CLIP4: variants seen among roughly 807,000 people sequenced by gnomAD.
The protein encoded by CLIP4 is CAP-Gly domain containing linker protein family member 4.
CLIP4 carries 47 observed loss-of-function variants against 73.1 expected under a neutral mutation model. That is an observed-to-expected ratio of 0.64 (90% CI 0.51 to 0.82). The LOEUF is 0.82. CLIP4 is among the 40% of genes least tolerant of loss of function. CLIP4 has a pLI of 0.00. For synonymous variants in CLIP4, 306 were observed against 295.4 expected, an observed-to-expected ratio of 1.04 and a Z score of -0.37; for missense variants, 874 against 852.9, an observed-to-expected ratio of 1.02 and a Z score of -0.31.
chr2:29,166,127 AAC>A (rs1667599506), intron 13 of CLIP4, among the ~76,000 whole-genome samples: 1 of 152,122 alleles, frequency 6.6e-6, no homozygotes, highest in South Asian at 2.1e-4. Context: ...AAGCGAATAA[AAC>A]AGACATGGTC....
chr2:29,149,811 T>C (rs1666427946), intron 8 of CLIP4, among the ~76,000 whole-genome samples: 2 of 152,094 alleles, frequency 1.3e-5, no homozygotes, highest in Admixed American at 1.3e-4. Flanking sequence ...TAGAATTAAA[T>C]ATTTAATTTA....
chr2:29,148,176 C>T (rs1000987823), intron 8 of CLIP4, among the ~76,000 whole-genome samples: 2 of 152,176 alleles, frequency 1.3e-5, no homozygotes, highest in Non-Finnish European at 2.9e-5. Context: ...TAGCCCTTGA[C>T]AGCCCTGGGA....
chr2:29,120,117 G>T (rs1664155088), intron 1 of CLIP4, among the ~76,000 whole-genome samples: 1 of 152,102 alleles, frequency 6.6e-6, no homozygotes, highest in Non-Finnish European at 1.5e-5. Context: ...TATTTATGTG[G>T]CAAGGTTAAT....
At chr2:29,142,592 T>C (rs1572939103) in intron 6 of CLIP4, among the ~76,000 whole-genome samples, 1 of 152,314 alleles carries the variant, frequency 6.6e-6, no homozygotes, top group East Asian at 1.9e-4. Context: ...ATCCTAGACA[T>C]CTAATAACAT....
intron 11 of CLIP4, among the ~76,000 whole-genome samples, chr2:29,159,356 G>T (rs1169863699): frequency 1.3e-5 from 2 of 152,018 alleles, no homozygotes; most frequent in Admixed American, 6.5e-5. Context: ...ATGGGACAAG[G>T]CTCAAGCACC....
chr2:29,179,902 CACTT>C (rs1668550369), intron 15 of CLIP4, among the ~76,000 whole-genome samples: 1 of 152,148 alleles, frequency 6.6e-6, no homozygotes, highest in Admixed American at 6.5e-5. Context: ...AGAATTCTAT[CACTT>C]ACTGGCAGAT....
intron 8 of CLIP4, among the ~76,000 whole-genome samples, chr2:29,146,362 A>T (rs1482828767): frequency 1.3e-5 from 2 of 152,156 alleles, no homozygotes; most frequent in Non-Finnish European, 2.9e-5. Context: ...AACTGGAAAA[A>T]TCAAGCAAGG....
rs1395949511 is a variant in CLIP4 at position 29,136,850 on chromosome 2, A to G, written c.648+1184A>G. 2.6e-5 allele frequency among the ~76,000 whole-genome samples: 4 copies of G among 151,898 alleles called. No homozygotes were observed. In the East Asian group the frequency reaches 5.8e-4, roughly 22 times the overall value. On this transcript the variant is annotated intron_variant, in intron 6 of 15. Transcript: ENST00000320081. ...TGACAAAGCCCCATTAGTGGGGACAATGTTCTGAATTTGTTAGGATGCCAT... is the reference window on the plus strand; with the variant it reads ...TGACAAAGCCCCATTAGTGGGGACAGTGTTCTGAATTTGTTAGGATGCCAT...
chr2:29,124,984 G>T (rs1390855088), intron 2 of CLIP4, among the ~76,000 whole-genome samples: 1 of 152,132 alleles, frequency 6.6e-6, no homozygotes, highest in Non-Finnish European at 1.5e-5. Context: ...ATTTTACCTT[G>T]TTAGATGCTG....
intron 1 of CLIP4, among the ~76,000 whole-genome samples, chr2:29,105,806 G>A (rs1668186828): frequency 6.6e-6 from 1 of 152,210 alleles, no homozygotes; most frequent in African/African-American, 2.4e-5. Context: ...AAAAATGGCT[G>A]TCTGTGAACC....
chr2:29,124,676 A>G, intron 2 of CLIP4, among the ~76,000 whole-genome samples: 1 of 152,000 alleles, frequency 6.6e-6, no homozygotes, highest in Admixed American at 6.6e-5. Context: ...TGCATCTTCA[A>G]GTTCATTAAT....
chr2:29,110,230 A>G (rs1235436673), intron 1 of CLIP4, among the ~76,000 whole-genome samples: 2 of 152,180 alleles, frequency 1.3e-5, no homozygotes, highest in Non-Finnish European at 2.9e-5. Context: ...GTGCGGCTCA[A>G]TGGAGTCCTC....
intron 3 of CLIP4, chr2:29,131,915 G>C (rs1300864200): frequency 2.2e-6 from 1 of 457,624 alleles, no homozygotes; most frequent in Non-Finnish European, 3.8e-6. Flanking sequence ...TGGAGTGCCA[G>C]ATTACCTTTG....
At chr2:29,106,947 G>A (rs1668224807) in intron 1 of CLIP4, among the ~76,000 whole-genome samples, 1 of 152,236 alleles carries the variant, frequency 6.6e-6, no homozygotes, top group East Asian at 1.9e-4. Context: ...ATCCCCTGCT[G>A]TTTCAAATAT....
At chr2:29,145,845 A>G (rs372834672) in intron 8 of CLIP4, among the ~76,000 whole-genome samples, 15 of 152,134 alleles carry the variant, frequency 9.9e-5, no homozygotes, top group African/African-American at 3.6e-4. Flanking sequence ...CCATGGCTGG[A>G]TAATTGTTGT....
chr2:29,163,406 TGA>T (rs1667413476), intron 12 of CLIP4, among the ~76,000 whole-genome samples: 1 of 152,168 alleles, frequency 6.6e-6, no homozygotes, highest in Non-Finnish European at 1.5e-5. Context: ...TAATGTTAGG[TGA>T]GTAAGATGAA....
At chr2:29,099,143 G>C (rs1667964598) in intron 1 of CLIP4, among the ~76,000 whole-genome samples, 1 of 152,148 alleles carries the variant, frequency 6.6e-6, no homozygotes, top group Admixed American at 6.5e-5. Flanking sequence ...CTCCTAGTCT[G>C]TGGCTTGTCT....
In CLIP4 at chr2:29,180,418, G is replaced by A. The variant is rs1668579092; in HGVS notation, c.1797-1154G>A. Among the ~76,000 whole-genome samples the A allele has an allele frequency of 1.3e-5, 2 of 152,176 alleles. 1 individual carries two copies. Among genetic ancestry groups the A allele is most frequent in the South Asian group, 4.1e-4 (2 of 4,826 alleles). Reference sequence around the variant, plus strand: ...AGGTTGTGGTGGTGGTGAGTGCTAGGAGACGTTCTTGCACACTGTAAGGAA... The same window carrying A: ...AGGTTGTGGTGGTGGTGAGTGCTAGAAGACGTTCTTGCACACTGTAAGGAA... On this transcript the variant is annotated intron_variant, in intron 15 of 15. Coordinates refer to ENST00000320081, the MANE Select transcript of CLIP4 (RefSeq NM_024692.6).
intron 2 of CLIP4, chr2:29,130,650 A>G: frequency 8.9e-7 from 1 of 1,127,646 alleles, no homozygotes; most frequent in Non-Finnish European, 1.1e-6. Context: ...TAAGCTTACG[A>G]ATGTTATCAC....
Sources: gnomAD v4.1 joint callset for allele counts (sites outside exome capture counted in the v4.1 genomes callset) on GRCh38, gnomAD v4.1.1 for gene constraint, MANE v1.5 for transcripts, NCBI Gene and HGNC (gene_info 2026-07-23, HGNC 2026-07-21) for gene names.